Variants in ATP2B2 observed in about 807,000 individuals in gnomAD.
ATP2B2 encodes the protein ATPase plasma membrane Ca2+ transporting 2.
ATP2B2 carries 15 observed loss-of-function variants against 120.0 expected under a neutral mutation model. The observed-to-expected ratio is 0.12, with a 90% CI of 0.08 to 0.19. The LOEUF (loss-of-function observed/expected upper bound fraction) is 0.19. Among genes scored for constraint, ATP2B2 ranks in the 10% least tolerant of loss-of-function variants. ATP2B2 has a pLI of 1.00. For synonymous variants in ATP2B2, 694 were observed against 700.3 expected (o/e 0.99, Z 0.14); for missense variants, 1,045 against 1,719.8 (o/e 0.61, Z 6.94).
intron 2 of ATP2B2, among the ~76,000 whole-genome samples, chr3:10,554,335 A>C (rs562851025): frequency 6.6e-6 from 1 of 151,966 alleles, no homozygotes; most frequent in Non-Finnish European, 1.5e-5. Flanking sequence ...CCACATCCAA[A>C]CCCCCAGAGC....
At chr3:10,459,247 G>A (rs1458917190) in intron 1 of ATP2B2, among the ~76,000 whole-genome samples, 1 of 152,230 alleles carries the variant, frequency 6.6e-6, no homozygotes, top group African/African-American at 2.4e-5. Context: ...TGTGTTCCAT[G>A]TTTAGAAATA....
intron 3 of ATP2B2, among the ~76,000 whole-genome samples, chr3:10,529,954 G>A (rs2067176303): frequency 6.6e-6 from 1 of 152,192 alleles, no homozygotes; most frequent in African/African-American, 2.4e-5. Flanking sequence ...CAGGAGAGAG[G>A]CCGGGAAAGA....
intron 2 of ATP2B2, among the ~76,000 whole-genome samples, chr3:10,538,856 C>A (rs1408085013): frequency 6.6e-6 from 1 of 152,118 alleles, no homozygotes; most frequent in Admixed American, 6.5e-5. Context: ...ATTCAACATA[C>A]TGTTTGAAGT....
At chr3:10,622,124 C>A (rs917285389) in intron 1 of ATP2B2, among the ~76,000 whole-genome samples, 2 of 152,048 alleles carry the variant, frequency 1.3e-5, no homozygotes, top group Non-Finnish European at 2.9e-5. Context: ...GCTCCAGGGG[C>A]CCCCCTAGGC....
At chr3:10,384,246 G>C (rs1296644084) in intron 8 of ATP2B2, among the ~76,000 whole-genome samples, 1 of 152,200 alleles carries the variant, frequency 6.6e-6, no homozygotes, top group African/African-American at 2.4e-5. Context: ...TTTTGCAGGA[G>C]TGGTGAGAAG....
intron 1 of ATP2B2, among the ~76,000 whole-genome samples, chr3:10,650,436 G>T (rs1308896855): frequency 6.6e-6 from 1 of 152,176 alleles, no homozygotes; most frequent in Non-Finnish European, 1.5e-5. Flanking sequence ...GCTGTTAAGG[G>T]CATTCAGTTT....
intron 1 of ATP2B2, among the ~76,000 whole-genome samples, chr3:10,484,474 G>A (rs1051578772): frequency 1.3e-5 from 2 of 152,092 alleles, no homozygotes; most frequent in African/African-American, 2.4e-5. Context: ...TGCTGGCCGC[G>A]GGGGTCTCTG....
chr3:10,398,692 C>T (rs2062123162), intron 5 of ATP2B2, among the ~76,000 whole-genome samples: 1 of 152,160 alleles, frequency 6.6e-6, no homozygotes, highest in South Asian at 2.1e-4. Context: ...GGACTTCTGG[C>T]CTCCCTGGAG....
At chr3:10,533,525 T>C (rs1406966721) in intron 3 of ATP2B2, among the ~76,000 whole-genome samples, 1 of 152,158 alleles carries the variant, frequency 6.6e-6, no homozygotes, top group Non-Finnish European at 1.5e-5. Context: ...CCAATAAACA[T>C]ACTACTGCCA....
At chr3:10,707,594 G>A (rs1177329445) in intron 1 of ATP2B2, among the ~76,000 whole-genome samples, 1 of 152,058 alleles carries the variant, frequency 6.6e-6, no homozygotes, top group Non-Finnish European at 1.5e-5. Context: ...CCAGCTCCGG[G>A]GCTGCTCCGA....
At chr3:10,556,675 C>T (rs192302330) in intron 2 of ATP2B2, among the ~76,000 whole-genome samples, 1 of 152,278 alleles carries the variant, frequency 6.6e-6, no homozygotes, top group African/African-American at 2.4e-5. Flanking sequence ...GCAAGGACAC[C>T]ACATAGTGTG....
chr3:10,340,742 G>T lies in ATP2B2; in HGVS notation c.2918-38C>A. ...AGAGTGGGGCTGGGCTGAAGGCAGT[G>T]GTGGGGGAATCAGAGGGGAGATGCC... On this transcript the variant is annotated intron_variant, in intron 19 of 22. Coordinates refer to ENST00000360273, the MANE Select transcript of ATP2B2 (RefSeq NM_001001331.4). This position sits in a 1 kb window ranked among gnomAD's most constrained non-coding sequence, Gnocchi z 5.0. The T allele has an allele frequency of 6.2e-7, 1 of 1,609,122 alleles. No homozygotes were observed. Among genetic ancestry groups the T allele is most frequent in the Non-Finnish European group, 8.5e-7 (1 of 1,175,734 alleles).
chr3:10,384,893 C>T (rs995044199), intron 8 of ATP2B2, among the ~76,000 whole-genome samples: 2 of 152,244 alleles, frequency 1.3e-5, no homozygotes, highest in African/African-American at 4.8e-5. Context: ...AGCCCAAGCC[C>T]TGATCCCAGG....
chr3:10,476,851 C>T (rs991404060), intron 1 of ATP2B2, among the ~76,000 whole-genome samples: 3 of 152,188 alleles, frequency 2.0e-5, no homozygotes, highest in East Asian at 1.9e-4. Context: ...CCCTAAGCCT[C>T]GCCAGTGAGG....
Position 10,329,054 on chromosome 3 carries a change from G to A in ATP2B2, c.3492C>T (p.Ile1164=). ...GLEKPESRTS[I]HNFMAHPEFR... is the part of the protein sequence containing the mutation. ...ATTCAGGATGAGCCATGAAGTTATG[G>A]ATGGAGGTTCGAGATTCAGGCTTTT... The change falls in exon 23 of 23, where the codon ATC becomes ATT. Residue 1164 remains isoleucine, a synonymous_variant. Coordinates refer to ENST00000360273, the MANE Select transcript of ATP2B2 (RefSeq NM_001001331.4). The surrounding 1 kb of genome is among the most constrained non-coding windows in gnomAD (Gnocchi z 5.9). The A allele has an allele frequency of 6.2e-7, 1 of 1,614,042 alleles. No homozygotes were observed. Among genetic ancestry groups the A allele is most frequent in the Non-Finnish European group, 8.5e-7 (1 of 1,180,012 alleles).
chr3:10,355,511 G>T (rs2060690729), intron 14 of ATP2B2, among the ~76,000 whole-genome samples: 1 of 152,190 alleles, frequency 6.6e-6, no homozygotes, highest in East Asian at 1.9e-4. Flanking sequence ...CAGAGCTTGG[G>T]AGGGACCCAA....
At chr3:10,689,418 C>G (rs1253426633) in intron 1 of ATP2B2, among the ~76,000 whole-genome samples, 2 of 152,094 alleles carry the variant, frequency 1.3e-5, no homozygotes, top group Admixed American at 6.5e-5. Context: ...ACCTCCTGTC[C>G]AAATAGAATA....
chr3:10,675,758 C>T (rs2071225247), intron 1 of ATP2B2, among the ~76,000 whole-genome samples: 1 of 152,192 alleles, frequency 6.6e-6, no homozygotes, highest in Admixed American at 6.5e-5. Flanking sequence ...TCTTCCTCCT[C>T]CCTGGGCAGG....
intron 1 of ATP2B2, among the ~76,000 whole-genome samples, chr3:10,670,982 T>C (rs1418585284): frequency 6.6e-6 from 1 of 152,214 alleles, no homozygotes; most frequent in Non-Finnish European, 1.5e-5. Context: ...AAAAGAGTTT[T>C]CTGCATTGAG....
Sources: gnomAD v4.1 joint callset for allele counts (sites outside exome capture counted in the v4.1 genomes callset) on GRCh38, gnomAD v4.1.1 for gene constraint, Gnocchi (gnomAD v3.1) non-coding constraint, MANE v1.5 for transcripts, NCBI Gene and HGNC (gene_info 2026-07-23, HGNC 2026-07-21) for gene names.